The following CSPG4 variants were observed in gnomAD, a reference collection of about 807,000 sequenced individuals.
The protein encoded by CSPG4 is chondroitin sulfate proteoglycan 4.
A neutral mutation model predicts 139.3 loss-of-function variants in CSPG4; 74 were observed. The observed-to-expected ratio is 0.53, with a 90% CI of 0.44 to 0.64. The LOEUF is 0.64. Among genes scored for constraint, CSPG4 ranks in the 30% least tolerant of loss-of-function variants. The pLI is 0.00. For missense variants in CSPG4, 2,565 were observed against 3,148.3 expected (o/e 0.81, Z 4.43); for synonymous variants, 1,234 against 1,394.2 (o/e 0.89, Z 2.56).
intron 1 of CSPG4, among the ~76,000 whole-genome samples, chr15:75,697,752 G>T (rs949968644): frequency 3.9e-5 from 6 of 152,210 alleles, no homozygotes; most frequent in Non-Finnish European, 7.3e-5. Flanking sequence ...TGGGCCCGTA[G>T]TTGAGGGTGA....
intron 1 of CSPG4, among the ~76,000 whole-genome samples, chr15:75,695,785 G>A (rs752000017): frequency 2.6e-5 from 4 of 152,102 alleles, no homozygotes; most frequent in Non-Finnish European, 5.9e-5. Flanking sequence ...GACACAGAGA[G>A]GGAGGAATAG....
At chr15:75,709,907 G>A (rs1894424935) in intron 1 of CSPG4, among the ~76,000 whole-genome samples, 1 of 151,742 alleles carries the variant, frequency 6.6e-6, no homozygotes, top group South Asian at 2.1e-4. Context: ...AGTTTTTCTC[G>A]AGTCCGGGTG....
At position 75,688,916 on chromosome 15, in the gene CSPG4, C is replaced by A. The variant is rs557471497; in HGVS notation, c.2149G>T (p.Ala717Ser). The change falls in exon 3 of 10, where the codon GCA becomes TCA. Residue 717 changes from alanine to serine, a missense_variant. Ala to Ser is a moderately conservative substitution (Grantham distance 99). Around this residue, in one of 5 missense-constraint regions of CSPG4, gnomAD observed 2,316 missense variants for 2,818.2 expected, o/e 0.82. Transcript: ENST00000308508. Reference protein sequence around the residue: ...LQFGELQKQGAGGVEGAEWWA... With the variant: ...LQFGELQKQGSGGVEGAEWWA... ...CACTCAGCACCCTCCACCCCACCTG[C>A]CCCCTGCTTCTGCAGCTCCCCAAAC... 16 of 1,612,294 alleles carry A rather than the reference C, an allele frequency of 9.9e-6. No homozygotes were observed. Among genetic ancestry groups the A allele is most frequent in the African/African-American group, 8.0e-5 (6 of 75,052 alleles).
Position 75,689,099 on chromosome 15 carries a change from C to G in CSPG4, c.1966G>C (p.Val656Leu). 1.9e-6 allele frequency: 3 copies of G among 1,605,196 alleles called. No individual in the cohort carries two copies. Among genetic ancestry groups the G allele is most frequent in the Non-Finnish European group, 2.6e-6 (3 of 1,176,012 alleles). ...LQASPPATLK[V>L]VAIRPAIQIH... ...TGTATGGCCGGCCGGATGGCCACCA[C>G]CTTCAGCGTGGCCGGGGGGCTGGCC... The change falls in exon 3 of 10, where the codon GTG becomes CTG. Residue 656 changes from valine to leucine, a missense_variant. Transcript: ENST00000308508.
At position 75,689,736 on chromosome 15, in the gene CSPG4, G is replaced by GC. The variant is rs772622628; in HGVS notation, c.1328dup (p.Thr444HisfsTer5). The GC allele has an allele frequency of 2.5e-6, 4 of 1,612,750 alleles. No homozygotes were observed. Among genetic ancestry groups the GC allele is most frequent in the Admixed American group, 1.7e-5 (1 of 60,018 alleles). On this transcript the variant is annotated frameshift_variant, in exon 3 of 10. Transcript: ENST00000308508. LOFTEE classifies it high-confidence loss of function. Reference sequence around the variant, plus strand: ...CATGCCTCCACTCAAGCCAGGCTGTGCCCCCCTCGGCCACCACCAGTGGGC... The same window carrying GC: ...CATGCCTCCACTCAAGCCAGGCTGTGCCCCCCCTCGGCCACCACCAGTGGGC...
Position 75,676,835 on chromosome 15 carries a change from G to A in CSPG4, c.5684C>T (p.Thr1895Met), listed in dbSNP as rs753029615. ...GGGLGPVTRF[T>M]QADVDSGRLA... ...CCGCCCTGAATCCACATCGGCTTGC[G>A]TGAAGCGGGTCACGGGCCCCAGGCC... is the stretch of plus-strand genomic sequence containing the variant. The change falls in exon 10 of 10, where the codon ACG (threonine) becomes ATG (methionine). Residue 1895 changes from threonine to methionine, a missense_variant. Physicochemically the swap from Thr to Met is moderately conservative, Grantham distance 81. Around this residue, in one of 5 missense-constraint regions of CSPG4, gnomAD observed 2,316 missense variants for 2,818.2 expected, o/e 0.82. Transcript: ENST00000308508. 10 of 1,555,770 alleles carry A rather than the reference G, an allele frequency of 6.4e-6. No individual in the cohort carries two copies. In the African/African-American group the frequency reaches 6.8e-5, roughly 11 times the overall value.
At chr15:75,705,962 T>G (rs1034843072) in intron 1 of CSPG4, among the ~76,000 whole-genome samples, 11 of 151,446 alleles carry the variant, frequency 7.3e-5, no homozygotes, top group Non-Finnish European at 1.2e-4. Flanking sequence ...TGTATGTCTG[T>G]GTGTATCTAT....
In CSPG4 at chr15:75,690,067, C is replaced by G. The variant is rs771392241; in HGVS notation, c.998G>C (p.Arg333Pro). The G allele has an allele frequency of 2.5e-6, 4 of 1,611,770 alleles. No individual in the cohort carries two copies. In the East Asian group the frequency reaches 8.9e-5, roughly 36 times the overall value. Residue 333 changes from arginine to proline, a missense_variant, in exon 3 of 10, where the codon CGT (arginine) becomes CCT (proline). By Grantham distance (103) the Arg-to-Pro change is moderately radical. Transcript: ENST00000308508. ...GCCCAGGCGGTGTTCCTGGAGGTGA[C>G]GAGAGGCCTCTGCATCCAGCCCCCC... is the stretch of plus-strand genomic sequence containing the variant. ...LLGGLDAEAS[R>P]HLQEHRLGLT...
At position 75,687,912 on chromosome 15, in the gene CSPG4, A is replaced by G; in HGVS notation, c.3153T>C (p.Phe1051=). 6.2e-7 allele frequency: 1 copy of G among 1,612,960 alleles called. No homozygotes were observed. Among genetic ancestry groups the G allele is most frequent in the Non-Finnish European group, 8.5e-7 (1 of 1,180,032 alleles). ...DVAFSDADSG[F]ADAQLVLTRK... is the part of the protein sequence containing the mutation. ...GGGTAAGCACCAGCTGGGCGTCAGC[A>G]AAGCCCGAGTCAGCATCGCTGAAGG... The change falls in exon 3 of 10, where the codon TTT becomes TTC. Residue 1051 remains phenylalanine, a synonymous_variant. Coordinates refer to ENST00000308508, the MANE Select transcript of CSPG4 (RefSeq NM_001897.5). The surrounding 1 kb of genome is among the most constrained non-coding windows in gnomAD (Gnocchi z 5.4).
chr15:75,686,719 T>C (rs532466551), intron 3 of CSPG4, among the ~76,000 whole-genome samples: 1 of 151,770 alleles, frequency 6.6e-6, no homozygotes, highest in South Asian at 2.1e-4. Context: ...AAATGAGCAG[T>C]GTAGGAGAGT....
chr15:75,677,246 C>A lies in CSPG4; in HGVS notation c.5273G>T (p.Gly1758Val). ...GGGCTCCTCGGACACCAACAGCTGG[C>A]CCCGGCTGGGGAACTGTGTGACCTG... ...LFQVTQFPSR[G>V]QLLVSEEPLH... Residue 1758 changes from glycine to valine, a missense_variant, in exon 10 of 10, where the codon GGC (glycine) becomes GTC (valine). Coordinates refer to ENST00000308508, the MANE Select transcript of CSPG4 (RefSeq NM_001897.5). 1.3e-6 allele frequency: 2 copies of A among 1,488,256 alleles called. No individual in the cohort carries two copies. The highest frequency in any genetic ancestry group is 2.2e-5 in the Admixed American group (1 of 45,030). 92.2% of individuals were successfully genotyped at this position (1,488,256 alleles called of 1,614,324 possible). A position where few individuals can be genotyped will look rare whatever the true frequency, so the allele number is the denominator to read the frequency against.
In CSPG4 at chr15:75,676,385, G is replaced by C. The variant is rs759736933; in HGVS notation, c.6134C>G (p.Ala2045Gly). 2 of 1,613,452 alleles carry C rather than the reference G, an allele frequency of 1.2e-6. No individual in the cohort carries two copies. Among genetic ancestry groups the C allele is most frequent in the African/African-American group, 1.3e-5 (1 of 74,960 alleles). ...CCCACCTGCCCACACATGCAGCAGA[G>C]CCCTCACAGTGACGTTCACTACGGC... ...ASAVVNVTVR[A>G]LLHVWAGGPW... The change falls in exon 10 of 10, where the codon GCT becomes GGT. Residue 2045 changes from alanine (A) to glycine (G), a missense_variant. Coordinates refer to ENST00000308508, the MANE Select transcript of CSPG4 (RefSeq NM_001897.5).
In CSPG4 at chr15:75,688,014, G is replaced by A. The variant is rs369689545; in HGVS notation, c.3051C>T (p.His1017=). The part of the protein sequence containing the change: ...FRVAIQPVND[H]APVQTISRIF... ...TCCGGCTGATGGTCTGCACAGGGGCGTGGTCATTCACGGGCTGGATGGCCA... is the reference window on the plus strand; with the variant it reads ...TCCGGCTGATGGTCTGCACAGGGGCATGGTCATTCACGGGCTGGATGGCCA... Residue 1017 remains histidine (H), a synonymous_variant, in exon 3 of 10, where the codon CAC becomes CAT. Coordinates refer to ENST00000308508, the MANE Select transcript of CSPG4 (RefSeq NM_001897.5). 2.1e-5 allele frequency: 34 copies of A among 1,611,882 alleles called. No homozygotes were observed. The highest frequency in any genetic ancestry group is 2.7e-5 in the African/African-American group (2 of 74,938).
intron 1 of CSPG4, among the ~76,000 whole-genome samples, chr15:75,700,834 C>T (rs1276181173): frequency 2.0e-5 from 3 of 152,114 alleles, no homozygotes; most frequent in East Asian, 1.9e-4. Flanking sequence ...TGGGTCTGGA[C>T]GGCTGCCTGG....
chr15:75,700,816 G>A (rs1172992039), intron 1 of CSPG4, among the ~76,000 whole-genome samples: 1 of 152,168 alleles, frequency 6.6e-6, no homozygotes, highest in East Asian at 1.9e-4. Flanking sequence ...CAGAGGAAAT[G>A]GTGACTGTGG....
At chr15:75,702,497 G>A (rs1036139367) in intron 1 of CSPG4, among the ~76,000 whole-genome samples, 3 of 152,236 alleles carry the variant, frequency 2.0e-5, no homozygotes, top group Non-Finnish European at 4.4e-5. Flanking sequence ...ACCTTGCTTG[G>A]GGACAGGACG....
Position 75,677,229 on chromosome 15 carries a change from C to A in CSPG4, c.5290G>T (p.Glu1764Ter). The A allele has an allele frequency of 6.8e-7, 1 of 1,478,290 alleles. No homozygotes were observed. 91.6% of individuals were successfully genotyped at this position (1,478,290 alleles called of 1,614,324 possible). A position where few individuals can be genotyped will look rare whatever the true frequency, so the allele number is the denominator to read the frequency against. The change falls in exon 10 of 10, where the codon GAG (glutamate) becomes TAG (stop). Residue 1764 changes from glutamate to a stop codon, truncating the protein, a stop_gained. Transcript: ENST00000308508. LOFTEE classifies it low-confidence loss of function (END_TRUNC). ...FPSRGQLLVS[E>*]EPLHAGQPHF... ...GGCTGCCCAGCATGGAGGGGCTCCT[C>A]GGACACCAACAGCTGGCCCCGGCTG... is the stretch of plus-strand genomic sequence containing the variant.
In CSPG4 at chr15:75,690,528, G is replaced by T; in HGVS notation, c.537C>A (p.Ser179Arg). 1.2e-6 allele frequency: 2 copies of T among 1,609,604 alleles called. No homozygotes were observed. Among genetic ancestry groups the T allele is most frequent in the Middle Eastern group, 2.2e-4 (1 of 4,460 alleles). ...CATCGGGGGTCAGAGGCCGGAGGAG[G>T]CTGCGGCCATTGAGGGTGGCTGCAT... Reference protein sequence around the residue: ...CLHAATLNGRSLLRPLTPDVH... With the variant: ...CLHAATLNGRRLLRPLTPDVH... Residue 179 changes from serine (S) to arginine (R), a missense_variant, in exon 3 of 10, where the codon AGC becomes AGA. Around this residue, in one of 5 missense-constraint regions of CSPG4, gnomAD observed 132 missense variants for 132.3 expected, o/e 1.00. Transcript: ENST00000308508.
chr15:75,711,442 G>T (rs1337564131), intron 1 of CSPG4, among the ~76,000 whole-genome samples: 1 of 151,712 alleles, frequency 6.6e-6, no homozygotes. Context: ...GACCACCCTG[G>T]TCACCTTGGA....
Sources: allele counts gnomAD v4.1 joint callset (sites outside exome capture counted in the v4.1 genomes callset), GRCh38; gene constraint gnomAD v4.1.1; regional missense constraint gnomAD v4.1.1; non-coding constraint Gnocchi (gnomAD v3.1); transcripts MANE v1.5; gene names NCBI Gene and HGNC (gene_info 2026-07-23, HGNC 2026-07-21).